ALPK2: variants seen among roughly 807,000 people sequenced by gnomAD.
ALPK2 encodes the protein alpha kinase 2.
In ALPK2, 127 loss-of-function variants were observed where a neutral mutation model predicts 163.1. The ratio of observed to expected loss-of-function variants is 0.78; its 90% CI spans 0.67 to 0.90. ALPK2 has a LOEUF of 0.90. Ranked by LOEUF, ALPK2 falls within the 40% of genes least tolerant of loss-of-function variation. ALPK2 has a pLI of 0.00. For synonymous variants in ALPK2, 953 were observed against 959.1 expected, an observed-to-expected ratio of 0.99 and a Z score of 0.12; for missense variants, 2,360 against 2,589.6, an observed-to-expected ratio of 0.91 and a Z score of 1.92.
chr18:58,603,915 C>T (rs111507341), intron 3 of ALPK2, among the ~76,000 whole-genome samples: 5 of 152,242 alleles, frequency 3.3e-5, no homozygotes, highest in Middle Eastern at 3.4e-3. Context: ...CTCTTCCCTG[C>T]CAAGCACACT....
At chr18:58,591,080 T>C (rs1472077288) in intron 3 of ALPK2, among the ~76,000 whole-genome samples, 1 of 152,216 alleles carries the variant, frequency 6.6e-6, no homozygotes, top group Non-Finnish European at 1.5e-5. Flanking sequence ...CAGTTTCTGC[T>C]CTGTGGCCTG....
At chr18:58,503,888 G>A (rs527381134) in intron 11 of ALPK2, 43 bp downstream of exon 11, 19 of 1,562,862 alleles carry the variant, frequency 1.2e-5, no homozygotes, top group Non-Finnish European at 1.7e-5. Context: ...AACATCTCTG[G>A]CCCACAGCAT....
intron 3 of ALPK2, among the ~76,000 whole-genome samples, chr18:58,599,433 C>T (rs1334915763): frequency 6.6e-6 from 1 of 152,306 alleles, no homozygotes; most frequent in East Asian, 1.9e-4. Context: ...TTCTACCAGT[C>T]ATCCTTAAGA....
intron 6 of ALPK2, among the ~76,000 whole-genome samples, chr18:58,527,760 G>A (rs2051591744): frequency 6.6e-6 from 1 of 152,188 alleles, no homozygotes; most frequent in Non-Finnish European, 1.5e-5. Flanking sequence ...ACCTAAGACA[G>A]GCAGGGTAAT....
intron 4 of ALPK2, among the ~76,000 whole-genome samples, chr18:58,577,776 TAGA>T (rs2051929541): frequency 6.6e-6 from 1 of 152,254 alleles, no homozygotes; most frequent in South Asian, 2.1e-4. Context: ...ACTGGGTCTA[TAGA>T]AATTCATGTG....
chr18:58,500,277 C>G (rs554062512), intron 11 of ALPK2, among the ~76,000 whole-genome samples: 1 of 149,322 alleles, frequency 6.7e-6, no homozygotes, highest in East Asian at 2.0e-4. Context: ...CAAACGCTGT[C>G]TCTGGACATC....
chr18:58,529,072 C>T lies in ALPK2; in HGVS notation c.5501+19G>A. On this transcript the variant is annotated intron_variant, in intron 6 of 12. Coordinates refer to ENST00000361673, the MANE Select transcript of ALPK2 (RefSeq NM_052947.4). The stretch of plus-strand genomic sequence containing the variant: ...AACAAGCAACAACTGTGAAAAGTAA[C>T]CAGGGAAAAACATCGCACCTTCTCT... 6.2e-7 allele frequency: 1 copy of T among 1,613,872 alleles called. No homozygotes were observed. Among genetic ancestry groups the T allele is most frequent in the Non-Finnish European group, 8.5e-7 (1 of 1,179,868 alleles).
In ALPK2 at chr18:58,601,729, G is replaced by A. The variant is rs146677316; in HGVS notation, c.227+5593C>T. ...CTGGACCTTCCAGCCCAGCCAATCC[G>A]TAAATGGACTTGAGTGGCATGAATG... On this transcript the variant is annotated intron_variant, in intron 3 of 12. Coordinates refer to ENST00000361673, the MANE Select transcript of ALPK2 (RefSeq NM_052947.4). Among the ~76,000 whole-genome samples, 958 of 152,254 alleles carry A rather than the reference G, an allele frequency of 6.3e-3. 9 individuals are homozygous for A. Among genetic ancestry groups the A allele is most frequent in the Non-Finnish European group, 9.9e-3 (672 of 68,036 alleles).
rs148228930 is a variant in ALPK2, at chr18:58,621,757, A to G, written c.-21+7007T>C. On this transcript the variant is annotated intron_variant, in intron 1 of 12. Transcript: ENST00000361673. ...ATTTGGAGACAGTGATAGTCTTTGT[A>G]TATCTTTCTGGATACCTTGAATTTA... 5.0e-3 allele frequency among the ~76,000 whole-genome samples: 766 copies of G among 152,300 alleles called. 10 individuals carry two copies. Among genetic ancestry groups the G allele is most frequent in the African/African-American group, 0.017 (708 of 41,566 alleles).
At chr18:58,504,194 A>T in intron 10 of ALPK2, 46 bp from the exon 11 acceptor site, 2 of 1,501,328 alleles carry the variant, frequency 1.3e-6, no homozygotes, top group South Asian at 1.1e-5. Flanking sequence ...CTCTACTGGG[A>T]AGAGAGGCTC....
intron 2 of ALPK2, among the ~76,000 whole-genome samples, chr18:58,609,577 T>C (rs939137748): frequency 5.9e-5 from 9 of 152,194 alleles, no homozygotes; most frequent in Admixed American, 3.3e-4. Context: ...CTGATTGATT[T>C]CCCCCAGTTT....
chr18:58,576,417 C>G (rs1481917944), intron 4 of ALPK2, among the ~76,000 whole-genome samples: 2 of 152,190 alleles, frequency 1.3e-5, no homozygotes, highest in Non-Finnish European at 1.5e-5. Flanking sequence ...ATTGCTATGA[C>G]TACCAACCCA....
At chr18:58,546,730 G>A (rs1011974108) in intron 4 of ALPK2, among the ~76,000 whole-genome samples, 3 of 152,126 alleles carry the variant, frequency 2.0e-5, no homozygotes, top group Admixed American at 6.6e-5. Context: ...CACAAAAACG[G>A]CTGTCTTCTT....
chr18:58,562,728 T>G (rs1463425976), intron 4 of ALPK2, among the ~76,000 whole-genome samples: 5 of 152,226 alleles, frequency 3.3e-5, no homozygotes, highest in Admixed American at 2.0e-4. Flanking sequence ...AGACATTTAT[T>G]TCTTCTAGTT....
intron 3 of ALPK2, among the ~76,000 whole-genome samples, chr18:58,602,726 G>A (rs1480425068): frequency 6.6e-6 from 1 of 152,150 alleles, no homozygotes; most frequent in Non-Finnish European, 1.5e-5. Context: ...ATTCCCAGGA[G>A]GTTAGGCATT....
At chr18:58,508,629 G>C (rs539700415) in intron 10 of ALPK2, among the ~76,000 whole-genome samples, 78 of 152,328 alleles carry the variant, frequency 5.1e-4, no homozygotes, top group African/African-American at 1.8e-3. Flanking sequence ...GGCAATGTCA[G>C]GAAGTTGCCT....
At position 58,573,412 on chromosome 18, in the gene ALPK2, GTT is replaced by G. The variant is rs113581403; in HGVS notation, c.1962+5400_1962+5401del. On this transcript the variant is annotated intron_variant, in intron 4 of 12. Coordinates refer to ENST00000361673, the MANE Select transcript of ALPK2 (RefSeq NM_052947.4). ...TATATATATGTGTGTATATATATAT[GTT>G]TTTTTTTTTTCAGAGACAGGGTCTT... Among the ~76,000 whole-genome samples the G allele has an allele frequency of 2.5e-3, 336 of 135,440 alleles. 4 individuals are homozygous for G. Among genetic ancestry groups the G allele is most frequent in the Non-Finnish European group, 4.5e-3 (286 of 63,476 alleles). The allele number at this position is 135,440 out of a possible 152,430, so 88.9% of individuals were successfully genotyped here. A position where few individuals can be genotyped will look rare whatever the true frequency, so the allele number is the denominator to read the frequency against.
chr18:58,497,983 T>C, intron 12 of ALPK2, 66 bp downstream of exon 12: 1 of 1,449,694 alleles, frequency 6.9e-7, no homozygotes, highest in Non-Finnish European at 9.7e-7. Flanking sequence ...AGCCTGACAG[T>C]GTCTGCCTGG....
chr18:58,577,031 G>A (rs1332693329), intron 4 of ALPK2, among the ~76,000 whole-genome samples: 1 of 152,232 alleles, frequency 6.6e-6, no homozygotes, highest in South Asian at 2.1e-4. Flanking sequence ...CTGATACCTG[G>A]TGGAGTGGGT....
Sources: gnomAD v4.1 joint callset for allele counts (sites outside exome capture counted in the v4.1 genomes callset) on GRCh38, gnomAD v4.1.1 for gene constraint, MANE v1.5 for transcripts, NCBI Gene and HGNC (gene_info 2026-07-23, HGNC 2026-07-21) for gene names.